BACE2: variants seen among roughly 807,000 people sequenced by gnomAD.
BACE2 encodes 56 kDa aspartic-like protease.
A neutral mutation model predicts 46.2 loss-of-function variants in BACE2; 17 were observed. The observed-to-expected ratio is 0.37, with a 90% CI of 0.25 to 0.55. The LOEUF (loss-of-function observed/expected upper bound fraction) is 0.55. Among genes scored for constraint, BACE2 ranks in the 20% least tolerant of loss-of-function variants. The pLI is 0.82. For missense variants in BACE2, 595 were observed against 698.1 expected, an observed-to-expected ratio of 0.85 and a Z score of 1.66; for synonymous variants, 277 against 295.9, an observed-to-expected ratio of 0.94 and a Z score of 0.66.
chr21:41,237,562 CA>C lies in BACE2; in HGVS notation c.453del (p.Gly152GlufsTer48). 6.2e-7 allele frequency: 1 copy of C among 1,614,232 alleles called. No homozygotes were observed. The highest frequency in any genetic ancestry group is 8.5e-7 in the Non-Finnish European group (1 of 1,180,044). On this transcript the variant is annotated frameshift_variant, in exon 3 of 9. Transcript: ENST00000330333. LOFTEE classifies it high-confidence loss of function. Reference protein sequence around the residue: ...KGFDVTVKYTQGSWTGFVGED... With the variant: ...KGFDVTVKYTXGSWTGFVGED... Reference sequence around the variant, plus strand: ...CTTTGACGTCACAGTGAAGTACACACAAGGAAGCTGGACGGGCTTCGTTGGG... The same window carrying C: ...CTTTGACGTCACAGTGAAGTACACACAGGAAGCTGGACGGGCTTCGTTGGG...
rs1202471533 is a variant in BACE2 at position 41,279,097 on chromosome 21, C to T, written c.*3473C>T. 2 of 151,694 alleles carry T rather than the reference C, an allele frequency of 1.3e-5. No homozygotes were observed. The highest frequency in any genetic ancestry group is 2.4e-5 in the African/African-American group (1 of 41,222). The allele number at this position is 151,694 out of a possible 1,614,324, so 9.4% of individuals were successfully genotyped here. A position where few individuals can be genotyped will look rare whatever the true frequency, so the allele number is the denominator to read the frequency against. On this transcript the variant is annotated 3_prime_UTR_variant, in exon 9 of 9. Coordinates refer to ENST00000330333, the MANE Select transcript of BACE2 (RefSeq NM_012105.5). ...TTAGGGGTTCTGGCCAAGAGAGGTA[C>T]TAGATTTTTTTAATGCCGAGAAAAG...
At chr21:41,251,218 T>C (rs1208906722) in intron 7 of BACE2, among the ~76,000 whole-genome samples, 2 of 152,160 alleles carry the variant, frequency 1.3e-5, no homozygotes, top group Non-Finnish European at 2.9e-5. Context: ...TTCTCTCCAT[T>C]CAGTGTCTGA....
At chr21:41,194,643 C>T (rs1407640899) in intron 1 of BACE2, among the ~76,000 whole-genome samples, 2 of 152,294 alleles carry the variant, frequency 1.3e-5, no homozygotes, top group East Asian at 3.9e-4. Context: ...GGTCAGGGAA[C>T]AGCAGTGATG....
chr21:41,275,550 C>T lies in BACE2; in HGVS notation c.1483C>T (p.Arg495Trp), dbSNP rs200673651. Residue 495 changes from arginine (R) to tryptophan (W), a missense_variant, in exon 9 of 9, where the codon CGG (arginine) becomes TGG (tryptophan). Arg to Trp is a moderately radical substitution (Grantham distance 101, BLOSUM62 -3). This residue lies in a region of BACE2 where 343 missense variants were observed against 419.4 expected (regional missense o/e 0.82). Transcript: ENST00000330333. ...AATCGTCCTGCTGCTGCTGCCGTTC[C>T]GGTGTCAGCGTCGCCCCCGTGACCC... The part of the protein sequence containing the change: ...VLIVLLLLPF[R>W]CQRRPRDPEV... 39 of 1,614,106 alleles carry T rather than the reference C, an allele frequency of 2.4e-5. No homozygotes were observed. The highest frequency in any genetic ancestry group is 1.2e-4 in the South Asian group (11 of 91,068).
At chr21:41,179,586 TGAG>T (rs1425867706) in intron 1 of BACE2, 6 of 1,337,526 alleles carry the variant, frequency 4.5e-6, no homozygotes, top group Non-Finnish European at 6.0e-6. Flanking sequence ...ACATGTGTGG[TGAG>T]GAGGTGTTTG....
rs1049610976 is a variant in BACE2, at chr21:41,279,186, T to C, written c.*3562T>C. 2.6e-5 allele frequency: 4 copies of C among 152,230 alleles called. No individual in the cohort carries two copies. The highest frequency in any genetic ancestry group is 9.6e-5 in the African/African-American group (4 of 41,456). 9.4% of individuals were successfully genotyped at this position (152,230 alleles called of 1,614,324 possible). A position where few individuals can be genotyped will look rare whatever the true frequency, so the allele number is the denominator to read the frequency against. ...CTTTAAGAATTTCACGTTTGAACTT[T>C]ACAGCTGTTTACCAATTAAATGGCA... On this transcript the variant is annotated 3_prime_UTR_variant, in exon 9 of 9. Coordinates refer to ENST00000330333, the MANE Select transcript of BACE2 (RefSeq NM_012105.5).
At chr21:41,213,761 G>A (rs1034609218) in intron 1 of BACE2, among the ~76,000 whole-genome samples, 2 of 151,628 alleles carry the variant, frequency 1.3e-5, no homozygotes, top group Non-Finnish European at 2.9e-5. Flanking sequence ...GTGACAGAGC[G>A]ATACTCCGTC....
chr21:41,216,694 T>A (rs563207573), intron 1 of BACE2, among the ~76,000 whole-genome samples: 3 of 152,198 alleles, frequency 2.0e-5, no homozygotes, highest in Non-Finnish European at 4.4e-5. Context: ...AGTCCCCCTG[T>A]CACTGGGGCT....
intron 2 of BACE2, among the ~76,000 whole-genome samples, chr21:41,230,420 T>A (rs1317281392): frequency 1.3e-5 from 2 of 152,288 alleles, no homozygotes; most frequent in Non-Finnish European, 2.9e-5. Flanking sequence ...TGCTTTCGTG[T>A]AACTTTAGAG....
intron 2 of BACE2, chr21:41,230,216 C>G (rs895090382): frequency 6.6e-6 from 1 of 152,208 alleles, no homozygotes; most frequent in Non-Finnish European, 1.5e-5. Flanking sequence ...CCCACTTCTG[C>G]GTTTGAGGCG....
chr21:41,223,228 C>T (rs935968833), intron 1 of BACE2, among the ~76,000 whole-genome samples: 21 of 151,984 alleles, frequency 1.4e-4, no homozygotes, highest in South Asian at 8.3e-4. Flanking sequence ...TGGTGGTGCA[C>T]GCCTGTGGTC....
rs1986876400 is a variant in BACE2, at chr21:41,228,270, G to A, written c.401+1916G>A. ...GTGGTGCTGGTAGACCACGCAGTAGGCAGATGCTGGAGGTGAGTTAACATC... is the reference window on the plus strand; with the variant it reads ...GTGGTGCTGGTAGACCACGCAGTAGACAGATGCTGGAGGTGAGTTAACATC... On this transcript the variant is annotated intron_variant, in intron 2 of 8. Transcript: ENST00000330333. 2.0e-5 allele frequency among the ~76,000 whole-genome samples: 3 copies of A among 152,320 alleles called. No homozygotes were observed. The South Asian group carries it at 6.2e-4, about 32-fold the overall frequency.
chr21:41,250,688 G>A lies in BACE2; in HGVS notation c.985-64G>A, dbSNP rs954029981. The A allele has an allele frequency of 1.9e-5, 29 of 1,526,720 alleles. No homozygotes were observed. In the African/African-American group the frequency reaches 4.0e-4, roughly 21 times the overall value. The allele number at this position is 1,526,720 out of a possible 1,614,324, so 94.6% of individuals were successfully genotyped here. Reference sequence around the variant, plus strand: ...TCTGGCGAGGTGGCTAGGAAAGCCTGGAGCTGTTTCCTGTTGACGTGCCAG... The same window carrying A: ...TCTGGCGAGGTGGCTAGGAAAGCCTAGAGCTGTTTCCTGTTGACGTGCCAG... On this transcript the variant is annotated intron_variant, in intron 6 of 8. Transcript: ENST00000330333.
At chr21:41,231,712 G>A (rs1404292637) in intron 2 of BACE2, among the ~76,000 whole-genome samples, 1 of 152,100 alleles carries the variant, frequency 6.6e-6, no homozygotes, top group Non-Finnish European at 1.5e-5. Context: ...CTTTTTCCTG[G>A]CCACCCACAT....
At chr21:41,191,424 C>T (rs1013932955) in intron 1 of BACE2, among the ~76,000 whole-genome samples, 4 of 152,292 alleles carry the variant, frequency 2.6e-5, no homozygotes, top group East Asian at 1.9e-4. Flanking sequence ...CGTGAACCCA[C>T]GGATGGTAGT....
chr21:41,179,202 GTTGA>G (rs1984982668), intron 1 of BACE2: 1 of 1,281,304 alleles, frequency 7.8e-7, no homozygotes, highest in African/African-American at 1.6e-5. Context: ...GGGTGTCCAG[GTTGA>G]GTGAGGGTGT....
chr21:41,257,084 A>G, intron 7 of BACE2, 74 bp from the exon 8 acceptor site: 1 of 1,577,140 alleles, frequency 6.3e-7, no homozygotes, highest in African/African-American at 1.3e-5. Flanking sequence ...CATGCGTGTG[A>G]CCTCAGCAAT....
At chr21:41,179,030 G>A (rs1455478786) in intron 1 of BACE2, 2 of 1,057,656 alleles carry the variant, frequency 1.9e-6, no homozygotes, top group Non-Finnish European at 2.5e-6. Flanking sequence ...GTTAGGGAAA[G>A]CGTGTCCCAG....
intron 1 of BACE2, among the ~76,000 whole-genome samples, chr21:41,218,948 C>T (rs1392395819): frequency 2.6e-5 from 4 of 151,746 alleles, no homozygotes; most frequent in Admixed American, 6.6e-5. Context: ...CTGCAACCTC[C>T]GCCTCCCGGG....
Sources: allele counts gnomAD v4.1 joint callset (sites outside exome capture counted in the v4.1 genomes callset), GRCh38; gene constraint gnomAD v4.1.1; regional missense constraint gnomAD v4.1.1; transcripts MANE v1.5; gene names NCBI Gene and HGNC (gene_info 2026-07-23, HGNC 2026-07-21).